Variants in SIPA1L1 observed in about 807,000 individuals in gnomAD.
The protein encoded by SIPA1L1 is signal-induced proliferation-associated 1-like protein 1.
SIPA1L1 carries 26 observed loss-of-function variants against 162.7 expected under a neutral mutation model. The observed-to-expected ratio is 0.16, with a 90% confidence interval of 0.12 to 0.22. The LOEUF (loss-of-function observed/expected upper bound fraction) is 0.22, where lower values mean the gene tolerates loss of function less well. Ranked by LOEUF, SIPA1L1 falls within the 10% of genes least tolerant of loss-of-function variation. SIPA1L1 has a pLI of 1.00. For missense variants in SIPA1L1, 1,874 were observed against 2,241.0 expected (o/e 0.84, Z 3.31); for synonymous variants, 829 against 837.4 (o/e 0.99, Z 0.17).
chr14:71,359,258 C>T lies in SIPA1L1; in HGVS notation c.-465+38077C>T, dbSNP rs530620266. On this transcript the variant is annotated intron_variant, in intron 2 of 23. Transcript: ENST00000381232. Reference sequence around the variant, plus strand: ...CCCCTGCACACGCTCTCTTGCCTGCCGCCATGTAAGATGTCACTTTGCTCT... The same window carrying T: ...CCCCTGCACACGCTCTCTTGCCTGCTGCCATGTAAGATGTCACTTTGCTCT... Among the ~76,000 whole-genome samples the T allele has an allele frequency of 7.0e-4, 107 of 152,306 alleles. 1 individual carries two copies. Among genetic ancestry groups the T allele is most frequent in the African/African-American group, 2.4e-3 (100 of 41,562 alleles).
At chr14:71,526,806 A>C (rs2052925395) in intron 3 of SIPA1L1, among the ~76,000 whole-genome samples, 2 of 152,202 alleles carry the variant, frequency 1.3e-5, no homozygotes, top group Admixed American at 6.5e-5. Flanking sequence ...GGTTTCGGCT[A>C]TTACAGCTAA....
intron 5 of SIPA1L1, 66 bp from the exon 6 acceptor site, chr14:71,618,691 C>G: frequency 7.0e-7 from 1 of 1,435,848 alleles, no homozygotes; most frequent in Non-Finnish European, 9.6e-7. Context: ...AAATACTGAG[C>G]AGAATGTAAC....
chr14:71,712,776 T>A (rs1449116252), intron 17 of SIPA1L1, among the ~76,000 whole-genome samples: 2 of 152,200 alleles, frequency 1.3e-5, no homozygotes, highest in Non-Finnish European at 2.9e-5. Flanking sequence ...CCCTACCTCA[T>A]GCTTGCACAT....
At chr14:71,724,957 TC>T in intron 19 of SIPA1L1, 122 bp downstream of exon 19, 5 of 816,604 alleles carry the variant, frequency 6.1e-6, no homozygotes, top group Admixed American at 2.6e-5. Flanking sequence ...AAGTCTCACT[TC>T]CTGCTATCAT....
intron 6 of SIPA1L1, among the ~76,000 whole-genome samples, chr14:71,620,225 A>G (rs965782540): frequency 2.6e-5 from 4 of 152,222 alleles, no homozygotes; most frequent in Middle Eastern, 6.8e-3. Flanking sequence ...ATGCGCCACC[A>G]TGCCCAGCTA....
intron 2 of SIPA1L1, among the ~76,000 whole-genome samples, chr14:71,410,781 G>A (rs58545888): frequency 0.11 from 16,140 of 152,116 alleles, 1,097 homozygotes; most frequent in Admixed American, 0.15. Flanking sequence ...TTAGCTATAG[G>A]GAGAAGGTTC....
chr14:71,324,073 C>G (rs2033493641), intron 2 of SIPA1L1, among the ~76,000 whole-genome samples: 1 of 152,170 alleles, frequency 6.6e-6, no homozygotes, highest in South Asian at 2.1e-4. Context: ...CTGAACTTTA[C>G]TGTTGTTTCC....
rs191417560 is a variant in SIPA1L1 at position 71,464,646 on chromosome 14, A to G, written c.-464-48097A>G. On this transcript the variant is annotated intron_variant, in intron 2 of 23. Transcript: ENST00000381232. Reference sequence around the variant, plus strand: ...ACAGAGGGAGACTCCATCTCAAAAAACAAAACAAAACAAAACAAAAAAAAC... The same window carrying G: ...ACAGAGGGAGACTCCATCTCAAAAAGCAAAACAAAACAAAACAAAAAAAAC... Among the ~76,000 whole-genome samples the G allele has an allele frequency of 1.4e-3, 192 of 136,882 alleles. 1 individual carries two copies. The highest frequency in any genetic ancestry group is 0.011 in the Admixed American group (156 of 14,442). The allele number at this position is 136,882 out of a possible 152,430, so 89.8% of individuals were successfully genotyped here. A position where few individuals can be genotyped will look rare whatever the true frequency, so the allele number is the denominator to read the frequency against.
intron 12 of SIPA1L1, among the ~76,000 whole-genome samples, chr14:71,680,523 A>G (rs948785793): frequency 6.6e-6 from 1 of 152,210 alleles, no homozygotes; most frequent in Admixed American, 6.5e-5. Flanking sequence ...CAGAAGAACT[A>G]GAGAAGCAAG....
chr14:71,341,813 T>C (rs968269140), intron 2 of SIPA1L1, among the ~76,000 whole-genome samples: 2 of 152,198 alleles, frequency 1.3e-5, no homozygotes, highest in African/African-American at 4.8e-5. Flanking sequence ...GCTGTATCCA[T>C]GTTGATGCAC....
intron 2 of SIPA1L1, among the ~76,000 whole-genome samples, chr14:71,338,097 C>T (rs1211777520): frequency 6.6e-6 from 1 of 152,208 alleles, no homozygotes; most frequent in Non-Finnish European, 1.5e-5. Context: ...TTATCCCTGT[C>T]TTTCTCATCC....
At chr14:71,674,427 A>G (rs2044859240) in intron 12 of SIPA1L1, among the ~76,000 whole-genome samples, 1 of 152,336 alleles carries the variant, frequency 6.6e-6, no homozygotes, top group South Asian at 2.1e-4. Context: ...GTCAGTGAAA[A>G]TAACTAATAT....
At chr14:71,405,274 T>C (rs141914657) in intron 2 of SIPA1L1, among the ~76,000 whole-genome samples, 231 of 152,306 alleles carry the variant, frequency 1.5e-3, no homozygotes, top group Non-Finnish European at 2.5e-3. Flanking sequence ...CAGTGCAGGC[T>C]GAGGACCTGA....
chr14:71,677,830 T>G (rs895271906), intron 12 of SIPA1L1, among the ~76,000 whole-genome samples: 1 of 152,256 alleles, frequency 6.6e-6, no homozygotes, highest in Non-Finnish European at 1.5e-5. Flanking sequence ...TCTGTTGGTC[T>G]ATACCTCTAT....
chr14:71,591,450 T>C (rs2035383409), intron 5 of SIPA1L1, among the ~76,000 whole-genome samples: 1 of 152,150 alleles, frequency 6.6e-6, no homozygotes, highest in African/African-American at 2.4e-5. Flanking sequence ...CTTTCAAAAG[T>C]CTGGAATAAA....
At chr14:71,366,353 C>A (rs756324145) in intron 2 of SIPA1L1, among the ~76,000 whole-genome samples, 1 of 152,070 alleles carries the variant, frequency 6.6e-6, no homozygotes, top group African/African-American at 2.4e-5. Flanking sequence ...GGTATAGATG[C>A]CAGTGTTTTC....
chr14:71,473,836 A>C (rs2047651815), intron 2 of SIPA1L1, among the ~76,000 whole-genome samples: 1 of 152,228 alleles, frequency 6.6e-6, no homozygotes, highest in African/African-American at 2.4e-5. Flanking sequence ...CATTTGCTGA[A>C]GGACAGGAAG....
At chr14:71,613,938 A>G (rs1007882106) in intron 5 of SIPA1L1, among the ~76,000 whole-genome samples, 5 of 152,088 alleles carry the variant, frequency 3.3e-5, no homozygotes, top group Non-Finnish European at 7.4e-5. Flanking sequence ...GTGGTGGCTC[A>G]TGTCTGTTAT....
intron 3 of SIPA1L1, among the ~76,000 whole-genome samples, chr14:71,523,541 G>GT (rs1282576896): frequency 3.3e-5 from 5 of 152,090 alleles, no homozygotes; most frequent in East Asian, 1.9e-4. Flanking sequence ...CACTGCATTT[G>GT]TTTTTTATCA....
Sources: gnomAD v4.1 joint callset for allele counts (sites outside exome capture counted in the v4.1 genomes callset) on GRCh38, gnomAD v4.1.1 for gene constraint, MANE v1.5 for transcripts, NCBI Gene and HGNC (gene_info 2026-07-23, HGNC 2026-07-21) for gene names.